The following SLC23A3 variants were observed in gnomAD, a reference collection of about 807,000 sequenced individuals.
The protein encoded by SLC23A3 is E2-binding protein 3.
In SLC23A3, 41 loss-of-function variants were observed where a neutral mutation model predicts 64.7. That is an observed-to-expected ratio of 0.63 (90% CI 0.49 to 0.82). The LOEUF (loss-of-function observed/expected upper bound fraction) is 0.82. SLC23A3 is among the 40% of genes least tolerant of loss of function. SLC23A3 has a pLI of 0.00. For missense variants in SLC23A3, 647 were observed against 733.4 expected (o/e 0.88, Z 1.36); for synonymous variants, 281 against 306.8 (o/e 0.92, Z 0.88).
At position 219,164,222 on chromosome 2, in the gene SLC23A3, C is replaced by T; in HGVS notation, c.1273+11G>A. Reference sequence around the variant, plus strand: ...CAGTTCAATACCAGCCCTGTTGATACATCCACTCACCAACAACAGGCAGTG... The same window carrying T: ...CAGTTCAATACCAGCCCTGTTGATATATCCACTCACCAACAACAGGCAGTG... On this transcript the variant is annotated intron_variant, in intron 9 of 11. Transcript: ENST00000409878. The T allele has an allele frequency of 6.3e-7, 1 of 1,576,222 alleles. No individual in the cohort carries two copies. The highest frequency in any genetic ancestry group is 8.7e-7 in the Non-Finnish European group (1 of 1,151,176).
rs993166443 is a variant in SLC23A3 at position 219,168,407 on chromosome 2, C to T, written c.675-89G>A. On this transcript the variant is annotated intron_variant, in intron 5 of 11. Transcript: ENST00000409878. ...GGGAGTGGGCAGAATATCATAAGAG[C>T]GGGGGGTGATACCAGAGAAGGAAAC... 2.7e-5 allele frequency: 39 copies of T among 1,418,766 alleles called. No individual in the cohort carries two copies. In the Admixed American group the frequency reaches 5.5e-4, roughly 20 times the overall value. 87.9% of individuals were successfully genotyped at this position (1,418,766 alleles called of 1,614,324 possible). A position where few individuals can be genotyped will look rare whatever the true frequency, so the allele number is the denominator to read the frequency against.
At chr2:219,165,091 A>G (rs1325003529) in intron 8 of SLC23A3, 78 bp downstream of exon 8, 4 of 1,500,900 alleles carry the variant, frequency 2.7e-6, no homozygotes, top group Non-Finnish European at 2.7e-6. Flanking sequence ...ACACCTGGCA[A>G]TCAATCGGTG....
In SLC23A3 at chr2:219,169,508, A is replaced by G. The variant is rs115400206; in HGVS notation, c.320+13T>C. The G allele has an allele frequency of 4.5e-4, 729 of 1,614,020 alleles. 3 individuals are homozygous for G. The African/African-American group carries it at 8.9e-3, about 20-fold the overall frequency. On this transcript the variant is annotated intron_variant, in intron 2 of 11. Transcript: ENST00000409878. The surrounding 1 kb of genome is among the most constrained non-coding windows in gnomAD (Gnocchi z 4.5). ...CAGGACTCTGCCCCTCTCTCCAGGG[A>G]GGTTCCTCTCACCTGCTGCCCATCC...
At chr2:219,165,964 T>C (rs1303699451) in intron 7 of SLC23A3, among the ~76,000 whole-genome samples, 1 of 152,082 alleles carries the variant, frequency 6.6e-6, no homozygotes, top group Non-Finnish European at 1.5e-5. Flanking sequence ...TGAAACCCCA[T>C]CTCTACTAAA....
Position 219,165,184 on chromosome 2 carries a change from T to A in SLC23A3, c.1152A>T (p.Lys384Asn), listed in dbSNP as rs1949992517. ...GTCCACGTACCTGGATAAGACCCAC[T>A]TTGCCCACGTTGGGGAAGCTGGATG... The part of the protein sequence containing the change: ...GTASSFPNVG[K>N]VGLIQAGSQQ... Residue 384 changes from lysine (K) to asparagine (N), a missense_variant, in exon 8 of 12, where the codon AAA (lysine) becomes AAT (asparagine). Transcript: ENST00000409878. 6.4e-7 allele frequency: 1 copy of A among 1,551,806 alleles called. No homozygotes were observed. The highest frequency in any genetic ancestry group is 8.7e-7 in the Non-Finnish European group (1 of 1,147,096).
At chr2:219,168,407 C>CG (rs1362113894) in intron 5 of SLC23A3, 89 bp from the exon 6 acceptor site, 6 of 1,418,762 alleles carry the variant, frequency 4.2e-6, no homozygotes, top group Admixed American at 2.6e-5. Flanking sequence ...ATCATAAGAG[C>CG]GGGGGGTGAT....
chr2:219,163,362 A>T, intron 10 of SLC23A3, 26 bp downstream of exon 10: 1 of 1,608,238 alleles, frequency 6.2e-7, no homozygotes, highest in Non-Finnish European at 8.5e-7. Flanking sequence ...CCTGCTACTG[A>T]GCAACGCCTC....
chr2:219,167,986 A>G lies in SLC23A3; in HGVS notation c.857T>C (p.Ile286Thr). 1.3e-6 allele frequency: 2 copies of G among 1,590,270 alleles called. No individual in the cohort carries two copies. The highest frequency in any genetic ancestry group is 2.3e-5 in the South Asian group (2 of 86,682). ...IVSAFVGFSV[I>T]PQELSAPTKA... ...GGTGGGGGCAGACAGTTCCTGGGGG[A>G]TAACACTGAATCCCACAAAGGCAGA... Residue 286 changes from isoleucine to threonine, a missense_variant, in exon 7 of 12, where the codon ATC (isoleucine) becomes ACC (threonine). Transcript: ENST00000409878.
rs564805867 is a variant in SLC23A3, at chr2:219,165,440, G to A, written c.914-18C>T. On this transcript the variant is annotated intron_variant, in intron 7 of 11. Transcript: ENST00000409878. ...CCACTCACCTGGGGAGGGAGAAGAAGCCACTTTGGGGCCAGACTCAAGTCA... is the reference window on the plus strand; with the variant it reads ...CCACTCACCTGGGGAGGGAGAAGAAACCACTTTGGGGCCAGACTCAAGTCA... 6.5e-7 allele frequency: 1 copy of A among 1,539,020 alleles called. No homozygotes were observed. The highest frequency in any genetic ancestry group is 1.2e-5 in the South Asian group (1 of 82,334).
In SLC23A3 at chr2:219,167,974, A is replaced by AGCT; in HGVS notation, c.868_869insAGC (p.Glu289_Leu290insGln). ...CCATGGTGCCTTGGTGGGGGCAGAC[A>AGCT]GTTCCTGGGGGATAACACTGAATCC... On this transcript the variant is annotated inframe_insertion, in exon 7 of 12. Transcript: ENST00000409878. 6.3e-7 allele frequency: 1 copy of AGCT among 1,586,378 alleles called. No homozygotes were observed. The highest frequency in any genetic ancestry group is 2.0e-5 in the Admixed American group (1 of 50,346).
rs1010265566 is a variant in SLC23A3 at position 219,168,304 on chromosome 2, A to G, written c.689T>C (p.Met230Thr). The G allele has an allele frequency of 1.2e-6, 2 of 1,608,392 alleles. No individual in the cohort carries two copies. The highest frequency in any genetic ancestry group is 3.4e-5 in the Admixed American group (2 of 59,062). ...GCCCAGGTGCTGAGAACAGACCACC[A>G]TGAGCAGGATAACCCTAGGAGACAG... ...WGLALLVILL[M>T]VVCSQHLGSC... Residue 230 changes from methionine to threonine, a missense_variant, in exon 6 of 12, where the codon ATG becomes ACG. Met to Thr is a moderately conservative substitution (Grantham distance 81). Transcript: ENST00000409878.
intron 7 of SLC23A3, 58 bp from the exon 8 acceptor site, chr2:219,165,480 C>G: frequency 6.6e-7 from 1 of 1,508,064 alleles, no homozygotes; most frequent in Non-Finnish European, 8.8e-7. Flanking sequence ...TACCCCCTGC[C>G]TCCAACAGCC....
At position 219,168,573 on chromosome 2, in the gene SLC23A3, G is replaced by C. The variant is rs145926562; in HGVS notation, c.674+79C>G. On this transcript the variant is annotated intron_variant, in intron 5 of 11. Coordinates refer to ENST00000409878, the MANE Select transcript of SLC23A3 (RefSeq NM_001144889.2). The stretch of plus-strand genomic sequence containing the variant: ...TTCCAGTCGCTGCTGAATCTGATAG[G>C]ACCAGCAGTTCTGCCCTCCCCTAGT... 220 of 1,393,086 alleles carry C rather than the reference G, an allele frequency of 1.6e-4. No individual in the cohort carries two copies. In the African/African-American group the frequency reaches 2.8e-3, roughly 18 times the overall value. The allele number at this position is 1,393,086 out of a possible 1,614,324, so 86.3% of individuals were successfully genotyped here. A position where few individuals can be genotyped will look rare whatever the true frequency, so the allele number is the denominator to read the frequency against.
At position 219,164,265 on chromosome 2, in the gene SLC23A3, T is replaced by G. The variant is rs751242131; in HGVS notation, c.1241A>C (p.Gln414Pro). 6.2e-7 allele frequency: 1 copy of G among 1,609,860 alleles called. No homozygotes were observed. Among genetic ancestry groups the G allele is most frequent in the Non-Finnish European group, 8.5e-7 (1 of 1,178,150 alleles). ...AGGCAGTGGGATGGTGGTGAGGAGC[T>G]GAGCCAACCTGGGGGAGAGTCCAAG... is the stretch of plus-strand genomic sequence containing the variant. ...VGLGLSPRLA[Q>P]LLTTIPLPVV... The change falls in exon 9 of 12, where the codon CAG (glutamine) becomes CCG (proline). Residue 414 changes from glutamine to proline, a missense_variant. Gln to Pro is a moderately conservative substitution (Grantham distance 76). Transcript: ENST00000409878.
chr2:219,161,659 G>A lies in SLC23A3; in HGVS notation c.*250C>T. On this transcript the variant is annotated 3_prime_UTR_variant, in exon 12 of 12. Coordinates refer to ENST00000409878, the MANE Select transcript of SLC23A3 (RefSeq NM_001144889.2). ...TAAAGTGAATGCTGGGGTTCAAGTG[G>A]CATTGATAGTACACAGGCAAAATCT... 2.6e-6 allele frequency: 1 copy of A among 383,130 alleles called. No individual in the cohort carries two copies. Among genetic ancestry groups the A allele is most frequent in the Non-Finnish European group, 4.7e-6 (1 of 213,758 alleles). The allele number at this position is 383,130 out of a possible 1,614,324, so 23.7% of individuals were successfully genotyped here.
chr2:219,162,117 T>C lies in SLC23A3; in HGVS notation c.1625A>G (p.Lys542Arg). The C allele has an allele frequency of 6.2e-7, 1 of 1,614,174 alleles. No individual in the cohort carries two copies. The change falls in exon 12 of 12, where the codon AAG (lysine) becomes AGG (arginine). Residue 542 changes from lysine to arginine, a missense_variant. Physicochemically the swap from Lys to Arg is conservative, Grantham distance 26. Coordinates refer to ENST00000409878, the MANE Select transcript of SLC23A3 (RefSeq NM_001144889.2). ...EARMPQKPREKAAQVYRLPFP... is the reference protein window; with the variant it reads ...EARMPQKPRERAAQVYRLPFP... ...AGGAAGTCTGTACACTTGAGCAGCCTTCTCCCTGGGCTTCTGAGGCATTCG... is the reference window on the plus strand; with the variant it reads ...AGGAAGTCTGTACACTTGAGCAGCCCTCTCCCTGGGCTTCTGAGGCATTCG...
chr2:219,163,359 C>T lies in SLC23A3; in HGVS notation c.1441+29G>A, dbSNP rs1303084525. The stretch of plus-strand genomic sequence containing the variant: ...GAAGCCTCAACTTGCTTTCCTGCTA[C>T]TGAGCAACGCCTCTTCCCTTCCACC... On this transcript the variant is annotated intron_variant, in intron 10 of 11. Transcript: ENST00000409878. 4 of 1,603,824 alleles carry T rather than the reference C, an allele frequency of 2.5e-6. No individual in the cohort carries two copies. In the African/African-American group the frequency reaches 4.0e-5, roughly 16 times the overall value.
In SLC23A3 at chr2:219,165,359, G is replaced by T; in HGVS notation, c.977C>A (p.Ala326Glu). 6.4e-7 allele frequency: 1 copy of T among 1,551,350 alleles called. No individual in the cohort carries two copies. The highest frequency in any genetic ancestry group is 8.7e-7 in the Non-Finnish European group (1 of 1,146,900). Residue 326 changes from alanine to glutamate, a missense_variant, in exon 8 of 12, where the codon GCA becomes GAA. Physicochemically the swap from Ala to Glu is moderately radical, Grantham distance 107. Transcript: ENST00000409878. Reference sequence around the variant, plus strand: ...GCAGCCCAGGGAACTGGTGGAGGCTGCCAAGGCCATGGAGATGCCTGCAGC... The same window carrying T: ...GCAGCCCAGGGAACTGGTGGAGGCTTCCAAGGCCATGGAGATGCCTGCAGC... ...ALAAGISMAL[A>E]ASTSSLGCYA...
chr2:219,161,820 C>A lies in SLC23A3; in HGVS notation c.*89G>T. On this transcript the variant is annotated 3_prime_UTR_variant, in exon 12 of 12. Coordinates refer to ENST00000409878, the MANE Select transcript of SLC23A3 (RefSeq NM_001144889.2). ...CATGTAATACACACACACATATCCT[C>A]TGCCTACAAGAAAGAACAGTTTGGG... The A allele has an allele frequency of 7.1e-7, 1 of 1,399,666 alleles. No individual in the cohort carries two copies. 86.7% of individuals were successfully genotyped at this position (1,399,666 alleles called of 1,614,324 possible). A position where few individuals can be genotyped will look rare whatever the true frequency, so the allele number is the denominator to read the frequency against.
Sources: allele counts gnomAD v4.1 joint callset (sites outside exome capture counted in the v4.1 genomes callset), GRCh38; gene constraint gnomAD v4.1.1; non-coding constraint Gnocchi (gnomAD v3.1); transcripts MANE v1.5; gene names NCBI Gene and HGNC (gene_info 2026-07-23, HGNC 2026-07-21).